LMO7: variants seen among roughly 807,000 people sequenced by gnomAD.
The protein encoded by LMO7 is LIM domain 7, also known as LIM domain only protein 7.
Under a neutral mutation model 206.5 loss-of-function variants are expected in LMO7, and 120 were observed. That is an observed-to-expected ratio of 0.58 (90% CI 0.50 to 0.68). LMO7 has a LOEUF of 0.68. Among genes scored for constraint, LMO7 ranks in the 30% least tolerant of loss-of-function variants. The pLI, the probability that LMO7 is intolerant of heterozygous loss-of-function variation, is 0.00. For synonymous variants in LMO7, 706 were observed against 681.5 expected, an observed-to-expected ratio of 1.04 and a Z score of -0.56; for missense variants, 1,959 against 1,957.9, an observed-to-expected ratio of 1.00 and a Z score of -0.01.
chr13:75,717,378 A>C (rs918042633), intron 2 of LMO7, among the ~76,000 whole-genome samples: 7 of 150,244 alleles, frequency 4.7e-5, no homozygotes, highest in African/African-American at 1.7e-4. Flanking sequence ...AAAAAAAAAA[A>C]AAACACACAA....
In LMO7 at chr13:75,727,116, T is replaced by A; in HGVS notation, c.210+18T>A. 6.9e-7 allele frequency: 1 copy of A among 1,455,272 alleles called. No individual in the cohort carries two copies. Among genetic ancestry groups the A allele is most frequent in the Non-Finnish European group, 9.6e-7 (1 of 1,039,874 alleles). The allele number at this position is 1,455,272 out of a possible 1,614,324, so 90.1% of individuals were successfully genotyped here. ...CAGGATTGGTAAGTAGTAAATTATCTTCACAACTAAATTTATTTGTCTTTG... is the reference window on the plus strand; with the variant it reads ...CAGGATTGGTAAGTAGTAAATTATCATCACAACTAAATTTATTTGTCTTTG... On this transcript the variant is annotated intron_variant, in intron 3 of 30. Coordinates refer to ENST00000377534, the MANE Select transcript of LMO7 (RefSeq NM_001306080.2).
intron 2 of LMO7, among the ~76,000 whole-genome samples, chr13:75,724,042 G>A (rs1187348420): frequency 6.6e-6 from 1 of 152,040 alleles, no homozygotes; most frequent in African/African-American, 2.4e-5. Flanking sequence ...ATTCATGAGG[G>A]TTCTACTCTC....
At position 75,672,840 on chromosome 13, in the gene LMO7, T is replaced by C. The variant is rs372256399; in HGVS notation, c.69+36114T>C. On this transcript the variant is annotated intron_variant, in intron 1 of 30. Transcript: ENST00000377534. ...CTAAATATAATTTGTGTCTTTTCTG[T>C]TAACTATGTTCTCTTCCCTTCTTTT... 1.2e-4 allele frequency among the ~76,000 whole-genome samples: 18 copies of C among 152,392 alleles called. No individual in the cohort carries two copies. In the South Asian group the frequency reaches 3.7e-3, roughly 32 times the overall value.
At chr13:75,787,348 C>T (rs2052597540) in intron 4 of LMO7, among the ~76,000 whole-genome samples, 1 of 152,222 alleles carries the variant, frequency 6.6e-6, no homozygotes, top group Non-Finnish European at 1.5e-5. Flanking sequence ...CACCTTTCGG[C>T]TCCTGCAGCA....
chr13:75,778,254 A>G (rs909280480), intron 4 of LMO7, among the ~76,000 whole-genome samples: 1 of 151,720 alleles, frequency 6.6e-6, no homozygotes, highest in Non-Finnish European at 1.5e-5. Flanking sequence ...TTTTTTTGAG[A>G]TGGAGTCTTG....
chr13:75,812,986 C>T lies in LMO7; in HGVS notation c.1946+3803C>T, dbSNP rs112364131. ...GGTACTTATCTCAAATCTGTGAGGC[C>T]GACAGATAGGGATGTGGAGATAGAG... On this transcript the variant is annotated intron_variant, in intron 11 of 30. Transcript: ENST00000377534. Among the ~76,000 whole-genome samples the T allele has an allele frequency of 7.8e-4, 118 of 152,242 alleles. 2 individuals are homozygous for T. The highest frequency in any genetic ancestry group is 2.7e-3 in the African/African-American group (111 of 41,538).
At chr13:75,696,757 G>C (rs763740776) in intron 1 of LMO7, among the ~76,000 whole-genome samples, 3 of 152,068 alleles carry the variant, frequency 2.0e-5, no homozygotes, top group Non-Finnish European at 4.4e-5. Context: ...GCGTTATGCT[G>C]GGTCTTGAGG....
chr13:75,681,319 A>C (rs1435922448), intron 1 of LMO7, among the ~76,000 whole-genome samples: 2 of 152,172 alleles, frequency 1.3e-5, no homozygotes, highest in African/African-American at 4.8e-5. Flanking sequence ...TCTTTAATCC[A>C]TCTTGAGTTA....
chr13:75,735,606 C>A (rs553491124), intron 3 of LMO7, among the ~76,000 whole-genome samples: 1 of 150,956 alleles, frequency 6.6e-6, no homozygotes, highest in Non-Finnish European at 1.5e-5. Context: ...GGACTACAGG[C>A]GCGCGGCACC....
At chr13:75,779,223 C>T (rs2050951959) in intron 4 of LMO7, among the ~76,000 whole-genome samples, 1 of 152,066 alleles carries the variant, frequency 6.6e-6, no homozygotes, top group Admixed American at 6.5e-5. Context: ...ACTTATCAAA[C>T]TTTAAATTCT....
At chr13:75,782,858 AC>A (rs776181736) in intron 4 of LMO7, among the ~76,000 whole-genome samples, 2 of 152,164 alleles carry the variant, frequency 1.3e-5, no homozygotes, top group African/African-American at 2.4e-5. Context: ...TATGTTTAGG[AC>A]CCACTGGGAT....
chr13:75,697,757 C>T (rs1489651327), intron 1 of LMO7, among the ~76,000 whole-genome samples: 1 of 152,124 alleles, frequency 6.6e-6, no homozygotes. Flanking sequence ...CAAATGATTC[C>T]AATAAGTGGA....
At chr13:75,705,341 A>G (rs1460985053) in intron 1 of LMO7, among the ~76,000 whole-genome samples, 1 of 152,232 alleles carries the variant, frequency 6.6e-6, no homozygotes, top group East Asian at 1.9e-4. Context: ...TGGTGATTTA[A>G]AAGTGTATCA....
At chr13:75,755,964 C>T (rs2047656178) in intron 3 of LMO7, among the ~76,000 whole-genome samples, 1 of 152,124 alleles carries the variant, frequency 6.6e-6, no homozygotes, top group Non-Finnish European at 1.5e-5. Context: ...ACAGGAATTG[C>T]TGCTTTTGAA....
chr13:75,698,781 G>A (rs1426686977), intron 1 of LMO7, among the ~76,000 whole-genome samples: 1 of 151,854 alleles, frequency 6.6e-6, no homozygotes, highest in Non-Finnish European at 1.5e-5. Context: ...ATGTCTCAGT[G>A]TACAGTTCAA....
At chr13:75,842,441 A>G (rs937685629) in intron 24 of LMO7, among the ~76,000 whole-genome samples, 1 of 151,962 alleles carries the variant, frequency 6.6e-6, no homozygotes, top group Non-Finnish European at 1.5e-5. Flanking sequence ...TTTCTAGAAT[A>G]CCTGATTTAA....
chr13:75,803,453 G>A (rs1336202235), intron 7 of LMO7, among the ~76,000 whole-genome samples: 1 of 152,124 alleles, frequency 6.6e-6, no homozygotes, highest in African/African-American at 2.4e-5. Flanking sequence ...GGAAGAGAAG[G>A]GTGTGAAAGA....
At chr13:75,770,863 G>T (rs2049552381) in intron 4 of LMO7, among the ~76,000 whole-genome samples, 1 of 152,120 alleles carries the variant, frequency 6.6e-6, no homozygotes, top group South Asian at 2.1e-4. Flanking sequence ...AGAAGAGTAA[G>T]TTGCTTAGTT....
chr13:75,742,460 C>T (rs2139205449), intron 3 of LMO7, among the ~76,000 whole-genome samples: 1 of 152,256 alleles, frequency 6.6e-6, no homozygotes, highest in African/African-American at 2.4e-5. Flanking sequence ...ATCATACTAC[C>T]TGACCTCAAA....
Sources: allele counts gnomAD v4.1 joint callset (sites outside exome capture counted in the v4.1 genomes callset), GRCh38; gene constraint gnomAD v4.1.1; transcripts MANE v1.5; gene names NCBI Gene and HGNC (gene_info 2026-07-23, HGNC 2026-07-21).